Variants in DIAPH2 observed in about 807,000 individuals in gnomAD.
DIAPH2 encodes the protein diaphanous related formin 2, also known as protein diaphanous homolog 2.
DIAPH2 carries 35 observed loss-of-function variants against 92.7 expected under a neutral mutation model. The observed-to-expected ratio is 0.38, with a 90% CI of 0.29 to 0.50. The LOEUF (loss-of-function observed/expected upper bound fraction) is 0.50. Among genes scored for constraint, DIAPH2 ranks in the 20% least tolerant of loss-of-function variants. The pLI is 0.94. For missense variants in DIAPH2, 701 were observed against 819.5 expected, an observed-to-expected ratio of 0.86 and a Z score of 1.77; for synonymous variants, 301 against 280.4, an observed-to-expected ratio of 1.07 and a Z score of -0.73.
chrX:97,368,087 C>A (rs918883350), intron 24 of DIAPH2, among the ~76,000 whole-genome samples: 2 of 112,406 alleles, frequency 1.8e-5, no homozygotes, highest in Non-Finnish European at 3.8e-5. Flanking sequence ...ACTAATCTTT[C>A]AAATAGTTTT....
At chrX:96,987,310 G>A (rs766330018) in intron 17 of DIAPH2, among the ~76,000 whole-genome samples, 1 of 111,405 alleles carries the variant, frequency 9.0e-6, no homozygotes, top group South Asian at 3.7e-4. Context: ...TCTTCCAAGC[G>A]GCCATTGAGG....
chrX:97,496,122 A>T (rs891108957), intron 26 of DIAPH2, among the ~76,000 whole-genome samples: 11 of 108,816 alleles, frequency 1.0e-4, no homozygotes, highest in Non-Finnish European at 1.7e-4. Context: ...AAAGTAATAG[A>T]ATTATACCTT....
intron 22 of DIAPH2, among the ~76,000 whole-genome samples, chrX:97,177,579 G>A (rs2067502124): frequency 9.2e-6 from 1 of 108,607 alleles, no homozygotes; most frequent in African/African-American, 3.4e-5. Context: ...CTCCCATAAG[G>A]TCTTCCTTTT....
At chrX:97,399,136 C>G (rs2147747378) in intron 25 of DIAPH2, among the ~76,000 whole-genome samples, 1 of 111,296 alleles carries the variant, frequency 9.0e-6, no homozygotes, top group South Asian at 3.9e-4. Flanking sequence ...GGAGCCATCT[C>G]AAAAATTTAC....
chrX:97,041,221 C>T (rs184732245), intron 17 of DIAPH2, among the ~76,000 whole-genome samples: 5 of 110,950 alleles, frequency 4.5e-5, no homozygotes, highest in East Asian at 2.8e-4. Flanking sequence ...TACGCACACC[C>T]GATGATGATG....
intron 22 of DIAPH2, among the ~76,000 whole-genome samples, chrX:97,151,314 A>G (rs2067284099): frequency 8.9e-6 from 1 of 111,913 alleles, no homozygotes; most frequent in Admixed American, 9.5e-5. Flanking sequence ...TAATATGTGT[A>G]ATATGAATAG....
intron 23 of DIAPH2, among the ~76,000 whole-genome samples, chrX:97,298,731 C>A (rs919406304): frequency 9.2e-6 from 1 of 108,857 alleles, no homozygotes; most frequent in Admixed American, 9.9e-5. Context: ...TCTCCTACCC[C>A]AGCCTCCCAA....
At chrX:96,778,255 C>T (rs191247452) in intron 4 of DIAPH2, among the ~76,000 whole-genome samples, 7 of 110,141 alleles carry the variant, frequency 6.4e-5, no homozygotes, top group African/African-American at 2.3e-4. Flanking sequence ...ATATGTAACT[C>T]ACTGCCAAAT....
At chrX:97,518,505 T>A (rs1407857478) in intron 26 of DIAPH2, among the ~76,000 whole-genome samples, 1 of 110,183 alleles carries the variant, frequency 9.1e-6, no homozygotes, top group Non-Finnish European at 1.9e-5. Context: ...TGTATGTGTG[T>A]GTATGTGTGT....
At chrX:96,792,956 A>G (rs1339765372) in intron 4 of DIAPH2, among the ~76,000 whole-genome samples, 2 of 111,493 alleles carry the variant, frequency 1.8e-5, no homozygotes, top group Non-Finnish European at 3.8e-5. Flanking sequence ...TTACTTTAAA[A>G]TAGGCTCCAA....
At chrX:97,032,239 G>A (rs2066380841) in intron 17 of DIAPH2, among the ~76,000 whole-genome samples, 1 of 111,134 alleles carries the variant, frequency 9.0e-6, no homozygotes, top group Non-Finnish European at 1.9e-5. Context: ...GGGCCATTTG[G>A]TCTTGAGGCA....
chrX:97,048,660 G>T (rs139147220), intron 17 of DIAPH2, among the ~76,000 whole-genome samples: 3,938 of 110,788 alleles, frequency 0.036, 87 homozygotes, highest in Middle Eastern at 0.083. Context: ...AATGATACGT[G>T]GCCAATTACA....
At chrX:96,808,009 A>C (rs1413000327) in intron 4 of DIAPH2, among the ~76,000 whole-genome samples, 2 of 99,733 alleles carry the variant, frequency 2.0e-5, no homozygotes, top group Non-Finnish European at 4.0e-5. Context: ...TTAAAAAAAG[A>C]TTTGAGCCCT....
chrX:96,952,201 C>A (rs1349775384), intron 15 of DIAPH2, among the ~76,000 whole-genome samples: 1 of 111,224 alleles, frequency 9.0e-6, no homozygotes, highest in East Asian at 2.8e-4. Context: ...TTCTTTCTAA[C>A]CTCAGAGAGA....
Position 97,304,673 on chromosome X carries a change from T to G in DIAPH2, c.2845-43443T>G, listed in dbSNP as rs776327666. Reference sequence around the variant, plus strand: ...GGTTTGTTGATAGCATGATTCCTGCTGTCACTATGATTTGTGTTTATTATA... The same window carrying G: ...GGTTTGTTGATAGCATGATTCCTGCGGTCACTATGATTTGTGTTTATTATA... On this transcript the variant is annotated intron_variant, in intron 23 of 26. Coordinates refer to ENST00000324765, the MANE Select transcript of DIAPH2 (RefSeq NM_006729.5). Among the ~76,000 whole-genome samples, 3 of 112,420 alleles carry G rather than the reference T, an allele frequency of 2.7e-5. No homozygotes were observed. The East Asian group carries it at 8.4e-4, about 31-fold the overall frequency.
Position 97,602,339 on chromosome X carries a change from T to C in DIAPH2, c.*3022T>C, listed in dbSNP as rs2071601209. ...GTTCCAAAGCTTATCATTTAGATCA[T>C]CTAAATCAGGTATGAGTGAAACTCT... On this transcript the variant is annotated 3_prime_UTR_variant, in exon 27 of 27. Transcript: ENST00000324765. The C allele has an allele frequency of 8.9e-6, 1 of 112,498 alleles. No homozygotes were observed. Among genetic ancestry groups the C allele is most frequent in the Non-Finnish European group, 1.9e-5 (1 of 53,352 alleles). The allele number at this position is 112,498 out of a possible 1,213,427, so 9.3% of individuals were successfully genotyped here.
intron 3 of DIAPH2, among the ~76,000 whole-genome samples, chrX:96,751,938 C>T (rs2064196596): frequency 1.0e-5 from 1 of 98,733 alleles, no homozygotes; most frequent in African/African-American, 3.4e-5. Context: ...CAGGCGTGAG[C>T]CACCGCGCCC....
At chrX:96,791,612 A>G (rs1160754384) in intron 4 of DIAPH2, among the ~76,000 whole-genome samples, 2 of 106,808 alleles carry the variant, frequency 1.9e-5, no homozygotes, top group Non-Finnish European at 3.9e-5. Context: ...GGAGGAAAAA[A>G]CCCCTATTTT....
Position 97,141,760 on chromosome X carries a change from T to A in DIAPH2, c.2685T>A (p.Pro895=). The A allele has an allele frequency of 1.7e-6, 2 of 1,205,828 alleles. No homozygotes were observed. Among genetic ancestry groups the A allele is most frequent in the Admixed American group, 2.2e-5 (1 of 44,836 alleles). The change falls in exon 22 of 27, where the codon CCT becomes CCA. Residue 895 remains proline (P), a synonymous_variant. Coordinates refer to ENST00000324765, the MANE Select transcript of DIAPH2 (RefSeq NM_006729.5). ...EEKYRDILKF[P]EELEHVESAS... is the part of the protein sequence containing the mutation. ...AATATCGAGATATCCTAAAATTTCCTGAAGAACTGGAACACGTAGAAAGTG... is the reference window on the plus strand; with the variant it reads ...AATATCGAGATATCCTAAAATTTCCAGAAGAACTGGAACACGTAGAAAGTG...
Sources: allele counts gnomAD v4.1 joint callset (sites outside exome capture counted in the v4.1 genomes callset), GRCh38; gene constraint gnomAD v4.1.1; transcripts MANE v1.5; gene names NCBI Gene and HGNC (gene_info 2026-07-23, HGNC 2026-07-21).